Variants in SGPL1 observed in about 807,000 individuals in gnomAD.
The protein encoded by SGPL1 is sphingosine-1-phosphate lyase 1.
A neutral mutation model predicts 68.9 loss-of-function variants in SGPL1; 37 were observed. The observed-to-expected ratio is 0.54, with a 90% CI of 0.41 to 0.71. SGPL1 has a LOEUF of 0.71. SGPL1 is among the 30% of genes least tolerant of loss of function. The probability of loss-of-function intolerance (pLI) is 0.00; values close to 1 mark genes in which losing one functional copy is unlikely to be tolerated. For synonymous variants in SGPL1, 236 were observed against 248.5 expected (o/e 0.95, Z 0.47); for missense variants, 551 against 704.6 (o/e 0.78, Z 2.47).
intron 7 of SGPL1, among the ~76,000 whole-genome samples, chr10:70,868,134 CATT>C (rs1385377495): frequency 6.6e-6 from 1 of 152,222 alleles, no homozygotes; most frequent in African/African-American, 2.4e-5. Flanking sequence ...AGTTTCTGCT[CATT>C]ATTTAGTAGC....
chr10:70,847,372 C>A (rs1324736218), intron 3 of SGPL1, among the ~76,000 whole-genome samples: 1 of 152,140 alleles, frequency 6.6e-6, no homozygotes, highest in Admixed American at 6.5e-5. Context: ...TGGTTTTGAA[C>A]TCCTGACCTC....
At chr10:70,842,476 G>A (rs1845731055) in intron 2 of SGPL1, among the ~76,000 whole-genome samples, 1 of 152,136 alleles carries the variant, frequency 6.6e-6, no homozygotes, top group Non-Finnish European at 1.5e-5. Flanking sequence ...AGGGTTAATT[G>A]GCTCATGGTT....
intron 2 of SGPL1, among the ~76,000 whole-genome samples, chr10:70,822,081 C>A (rs1219290662): frequency 6.6e-6 from 1 of 152,166 alleles, no homozygotes; most frequent in Non-Finnish European, 1.5e-5. Context: ...GGGATGCTTT[C>A]TTTCTGAATC....
intron 5 of SGPL1, among the ~76,000 whole-genome samples, chr10:70,855,901 GT>G (rs879334714): frequency 9.1e-4 from 138 of 151,072 alleles, no homozygotes; most frequent in African/African-American, 3.3e-3. Flanking sequence ...GTTCATCAGG[GT>G]TTTTTTTTGT....
chr10:70,873,407 G>A lies in SGPL1; in HGVS notation c.1116G>A (p.Arg372=). The change falls in exon 12 of 15, where the codon AGG becomes AGA. Residue 372 remains arginine, a synonymous_variant. Transcript: ENST00000373202. ...SLVLYSDKKY[R]NYQFFVDTDW... is the part of the protein sequence containing the mutation. ...TGTTGTATAGTGACAAGAAGTACAGGAACTATCAGTTCTTCGTCGATACAG... is the reference window on the plus strand; with the variant it reads ...TGTTGTATAGTGACAAGAAGTACAGAAACTATCAGTTCTTCGTCGATACAG... The A allele has an allele frequency of 6.2e-7, 1 of 1,614,232 alleles. No homozygotes were observed. Among genetic ancestry groups the A allele is most frequent in the Non-Finnish European group, 8.5e-7 (1 of 1,180,034 alleles).
rs550466667 is a variant in SGPL1 at position 70,833,305 on chromosome 10, G to A, written c.28-11168G>A. 3.3e-5 allele frequency among the ~76,000 whole-genome samples: 5 copies of A among 152,290 alleles called. No individual in the cohort carries two copies. In the South Asian group the frequency reaches 6.2e-4, roughly 19 times the overall value. ...TGTAGACTCTTAAGCTTTTTGAGAC[G>A]AACTTCTCAGATACTGGATCTCTTG... is the stretch of plus-strand genomic sequence containing the variant. On this transcript the variant is annotated intron_variant, in intron 2 of 14. Transcript: ENST00000373202.
intron 2 of SGPL1, among the ~76,000 whole-genome samples, chr10:70,825,458 TA>T (rs1338781868): frequency 1.3e-5 from 2 of 152,124 alleles, no homozygotes; most frequent in African/African-American, 4.8e-5. Context: ...TAGTTTGTCT[TA>T]AAAGGCACAA....
Position 70,819,455 on chromosome 10 carries a change from G to A in SGPL1, c.27+2575G>A, listed in dbSNP as rs1845298046. Among the ~76,000 whole-genome samples, 3 of 152,220 alleles carry A rather than the reference G, an allele frequency of 2.0e-5. No individual in the cohort carries two copies. In the South Asian group the frequency reaches 6.2e-4, roughly 32 times the overall value. On this transcript the variant is annotated intron_variant, in intron 2 of 14. Coordinates refer to ENST00000373202, the MANE Select transcript of SGPL1 (RefSeq NM_003901.4). ...CAATAACCATGGCTGGGTTTTCAGTGGCACACTAACCCATCATTCTATGAG... is the reference window on the plus strand; with the variant it reads ...CAATAACCATGGCTGGGTTTTCAGTAGCACACTAACCCATCATTCTATGAG...
In SGPL1 at chr10:70,857,236, G is replaced by A. The variant is rs1845980362; in HGVS notation, c.410-378G>A. On this transcript the variant is annotated intron_variant, in intron 5 of 14. Transcript: ENST00000373202. Reference sequence around the variant, plus strand: ...TCCTAGGACTGGATAGGAAAGGAGAGAAGAAGGAAGCTATTGCAGAAAAAG... The same window carrying A: ...TCCTAGGACTGGATAGGAAAGGAGAAAAGAAGGAAGCTATTGCAGAAAAAG... The A allele has an allele frequency of 1.8e-5, 4 of 226,280 alleles. No individual in the cohort carries two copies. The South Asian group carries it at 2.2e-4, about 12-fold the overall frequency. The allele number at this position is 226,280 out of a possible 1,614,324, so 14.0% of individuals were successfully genotyped here.
chr10:70,846,209 A>G (rs1589458240), intron 3 of SGPL1, among the ~76,000 whole-genome samples: 1 of 152,174 alleles, frequency 6.6e-6, no homozygotes, highest in Non-Finnish European at 1.5e-5. Context: ...AAGAAATTAG[A>G]CTGGCCGGCC....
At chr10:70,849,159 A>G (rs2131893374) in intron 3 of SGPL1, among the ~76,000 whole-genome samples, 1 of 152,310 alleles carries the variant, frequency 6.6e-6, no homozygotes, top group South Asian at 2.1e-4. Flanking sequence ...ACTTCTGGAC[A>G]GCTGGTCCAG....
rs1846472938 is a variant in SGPL1 at position 70,880,013 on chromosome 10, G to T, written c.*2678G>T. ...TGGTACTTGCTTCTTTTAAATCTCT[G>T]TCTTCTCTAACCTCCCCCTTCCCAT... is the stretch of plus-strand genomic sequence containing the variant. On this transcript the variant is annotated 3_prime_UTR_variant, in exon 15 of 15. Coordinates refer to ENST00000373202, the MANE Select transcript of SGPL1 (RefSeq NM_003901.4). 1.3e-5 allele frequency: 2 copies of T among 152,522 alleles called. No individual in the cohort carries two copies. The highest frequency in any genetic ancestry group is 2.9e-5 in the Non-Finnish European group (2 of 68,022). 9.4% of individuals were successfully genotyped at this position (152,522 alleles called of 1,614,324 possible). A position where few individuals can be genotyped will look rare whatever the true frequency, so the allele number is the denominator to read the frequency against.
intron 7 of SGPL1, 48 bp from the exon 8 acceptor site, chr10:70,868,296 CG>C (rs1564630702): frequency 2.3e-6 from 3 of 1,303,684 alleles, no homozygotes; most frequent in East Asian, 4.7e-5. Context: ...CATGAAGAGC[CG>C]GGGCATTCCT....
At chr10:70,870,027 G>A (rs1564631245) in intron 9 of SGPL1, 130 bp downstream of exon 9, 2 of 640,754 alleles carry the variant, frequency 3.1e-6, no homozygotes, top group Non-Finnish European at 5.5e-6. Context: ...ATGAAAAACT[G>A]CATTGATAGT....
At chr10:70,863,396 C>A (rs1426253757) in intron 7 of SGPL1, among the ~76,000 whole-genome samples, 1 of 146,378 alleles carries the variant, frequency 6.8e-6, no homozygotes, top group Non-Finnish European at 1.5e-5. Flanking sequence ...ATGTTGTATT[C>A]TGTGTCTGAT....
intron 2 of SGPL1, among the ~76,000 whole-genome samples, chr10:70,823,580 AAAG>A (rs1254513418): frequency 6.7e-6 from 1 of 149,098 alleles, no homozygotes; most frequent in Non-Finnish European, 1.5e-5. Flanking sequence ...AAAAAAAAAA[AAAG>A]CTAATGGGAT....
At chr10:70,858,548 A>G (rs1366839390) in intron 6 of SGPL1, among the ~76,000 whole-genome samples, 7 of 152,190 alleles carry the variant, frequency 4.6e-5, no homozygotes, top group Admixed American at 4.6e-4. Context: ...CCCTTACTAA[A>G]TAAATATGGC....
intron 3 of SGPL1, among the ~76,000 whole-genome samples, chr10:70,850,774 C>A (rs1333339919): frequency 6.6e-6 from 1 of 151,376 alleles, no homozygotes; most frequent in Non-Finnish European, 1.5e-5. Context: ...AGGTCTACTA[C>A]AGTGCTAGAG....
At chr10:70,858,130 T>G (rs1223245147) in intron 6 of SGPL1, among the ~76,000 whole-genome samples, 1 of 152,174 alleles carries the variant, frequency 6.6e-6, no homozygotes, top group East Asian at 1.9e-4. Context: ...TCAAATTTAT[T>G]TTTATTTTAT....
Sources: allele counts gnomAD v4.1 joint callset (sites outside exome capture counted in the v4.1 genomes callset), GRCh38; gene constraint gnomAD v4.1.1; transcripts MANE v1.5; gene names NCBI Gene and HGNC (gene_info 2026-07-23, HGNC 2026-07-21).